The following GMDS variants were observed in gnomAD, a reference collection of about 807,000 sequenced individuals.
GMDS encodes the protein GDP-mannose 4,6-dehydratase.
GMDS carries 20 observed loss-of-function variants against 49.9 expected under a neutral mutation model. The observed-to-expected ratio is 0.40, with a 90% confidence interval of 0.28 to 0.58. GMDS has a LOEUF of 0.58. Ranked by LOEUF, GMDS falls within the 20% of genes least tolerant of loss-of-function variation. The pLI is 0.42. For synonymous variants in GMDS, 177 were observed against 178.6 expected (o/e 0.99, Z 0.07); for missense variants, 362 against 481.4 (o/e 0.75, Z 2.32).
Position 1,952,512 on chromosome 6 carries a change from TA to T in GMDS, c.643+7354del, listed in dbSNP as rs367622776. On this transcript the variant is annotated intron_variant, in intron 6 of 10. Coordinates refer to ENST00000380815, the MANE Select transcript of GMDS (RefSeq NM_001500.4). ...TCTGATTCCTCAGCTGGGAGATGAT[TA>T]AAAAAAGTTCTTCGTGACTCAGAAT... is the stretch of plus-strand genomic sequence containing the variant. Among the ~76,000 whole-genome samples, 40 of 152,014 alleles carry T rather than the reference TA, an allele frequency of 2.6e-4. 1 individual carries two copies. The East Asian group carries it at 4.5e-3, about 17-fold the overall frequency.
chr6:2,147,370 G>A (rs1015359401), intron 1 of GMDS, among the ~76,000 whole-genome samples: 12 of 152,090 alleles, frequency 7.9e-5, no homozygotes, highest in Admixed American at 7.2e-4. Context: ...TCACATACAC[G>A]TTTAGCGTCC....
intron 7 of GMDS, among the ~76,000 whole-genome samples, chr6:1,764,610 C>A (rs1048448240): frequency 1.3e-5 from 2 of 152,078 alleles, no homozygotes; most frequent in Non-Finnish European, 2.9e-5. Flanking sequence ...TGGAGAAAAT[C>A]CTGGGTTAAT....
chr6:1,740,453 A>T (rs1767225255), intron 8 of GMDS, among the ~76,000 whole-genome samples: 1 of 151,592 alleles, frequency 6.6e-6, no homozygotes, highest in Non-Finnish European at 1.5e-5. Context: ...GCTACTTGGG[A>T]GGCTGAGGCA....
intron 4 of GMDS, among the ~76,000 whole-genome samples, chr6:1,966,371 T>TG (rs999253424): frequency 2.5e-5 from 2 of 78,878 alleles, no homozygotes; most frequent in East Asian, 3.5e-4. Context: ...ATCAGACTGA[T>TG]GAAAAAAAAA....
Position 2,191,034 on chromosome 6 carries a change from C to T in GMDS, c.102+54287G>A, listed in dbSNP as rs572624951. ...CAGGAGGAGGCAGCACTGGGGGACC[C>T]AGGGCGGGAGGGGGAAATGGGAGCA... On this transcript the variant is annotated intron_variant, in intron 1 of 10. Transcript: ENST00000380815. The surrounding 1 kb of genome is among the most constrained non-coding windows in gnomAD (Gnocchi z 4.6). Among the ~76,000 whole-genome samples the T allele has an allele frequency of 1.3e-5, 2 of 152,202 alleles. No homozygotes were observed. Among genetic ancestry groups the T allele is most frequent in the African/African-American group, 4.8e-5 (2 of 41,540 alleles).
At chr6:2,084,263 T>C (rs1772879911) in intron 4 of GMDS, among the ~76,000 whole-genome samples, 1 of 152,160 alleles carries the variant, frequency 6.6e-6, no homozygotes, top group South Asian at 2.1e-4. Flanking sequence ...TTTGAGAGGT[T>C]TGAGGGAGAA....
intron 6 of GMDS, among the ~76,000 whole-genome samples, chr6:1,940,749 T>A (rs1762782456): frequency 6.6e-6 from 1 of 152,264 alleles, no homozygotes; most frequent in Non-Finnish European, 1.5e-5. Flanking sequence ...ATGTTCAAAC[T>A]ACTTTGCTAT....
intron 8 of GMDS, among the ~76,000 whole-genome samples, chr6:1,729,104 T>C (rs74999729): frequency 0.037 from 5,582 of 152,288 alleles, 331 homozygotes; most frequent in African/African-American, 0.13. Context: ...TTCCTGTTTA[T>C]AGCAGTGGCC....
At chr6:1,888,863 C>T (rs1759741167) in intron 7 of GMDS, among the ~76,000 whole-genome samples, 1 of 152,102 alleles carries the variant, frequency 6.6e-6, no homozygotes, top group African/African-American at 2.4e-5. Context: ...GACACAGGTC[C>T]CATTCAAGTC....
intron 1 of GMDS, among the ~76,000 whole-genome samples, chr6:2,239,763 G>A (rs1253899893): frequency 6.6e-6 from 1 of 151,118 alleles, no homozygotes; most frequent in African/African-American, 2.4e-5. Context: ...TCGGCTCACT[G>A]CAAGCTCTGC....
At chr6:1,879,150 T>C (rs1357655832) in intron 7 of GMDS, among the ~76,000 whole-genome samples, 1 of 152,232 alleles carries the variant, frequency 6.6e-6, no homozygotes, top group African/African-American at 2.4e-5. Flanking sequence ...CCAAATTTCA[T>C]TACAGACATG....
chr6:1,980,248 C>T (rs1765144508), intron 4 of GMDS, among the ~76,000 whole-genome samples: 1 of 151,974 alleles, frequency 6.6e-6, no homozygotes, highest in Admixed American at 6.5e-5. Context: ...CACAGAATGG[C>T]AAGCTGGATA....
intron 4 of GMDS, among the ~76,000 whole-genome samples, chr6:2,089,599 G>A (rs1278165895): frequency 7.9e-5 from 12 of 152,250 alleles, no homozygotes; most frequent in African/African-American, 2.6e-4. Context: ...CTTTTTCCTT[G>A]AGTGCCTGGT....
chr6:1,790,933 C>A (rs144398007), intron 7 of GMDS, among the ~76,000 whole-genome samples: 5 of 152,246 alleles, frequency 3.3e-5, no homozygotes, highest in African/African-American at 1.2e-4. Flanking sequence ...TAAGAGAATG[C>A]TGAGTTGGGG....
At chr6:1,633,425 G>A (rs1186824757) in intron 9 of GMDS, among the ~76,000 whole-genome samples, 1 of 152,152 alleles carries the variant, frequency 6.6e-6, no homozygotes, top group African/African-American at 2.4e-5. Context: ...ACAAGAGAAG[G>A]CCGTGGCTGT....
intron 7 of GMDS, among the ~76,000 whole-genome samples, chr6:1,897,546 T>C (rs1760265313): frequency 6.6e-6 from 1 of 152,112 alleles, no homozygotes; most frequent in Admixed American, 6.5e-5. Flanking sequence ...CCTGGACAAA[T>C]TGTATATCTT....
At chr6:1,643,195 G>A (rs550382343) in intron 9 of GMDS, among the ~76,000 whole-genome samples, 2 of 152,328 alleles carry the variant, frequency 1.3e-5, no homozygotes, top group South Asian at 4.1e-4. Flanking sequence ...ATCTCCAAGG[G>A]TGCCCTCATA....
At chr6:1,975,524 A>G (rs1199202400) in intron 4 of GMDS, among the ~76,000 whole-genome samples, 1 of 152,230 alleles carries the variant, frequency 6.6e-6, no homozygotes, top group Non-Finnish European at 1.5e-5. Flanking sequence ...CAAAATATAC[A>G]AAGTAGATCC....
chr6:2,018,545 C>T (rs749147735), intron 4 of GMDS, among the ~76,000 whole-genome samples: 1 of 152,154 alleles, frequency 6.6e-6, no homozygotes, highest in African/African-American at 2.4e-5. Context: ...CCTTCTATGC[C>T]TATAGATTTA....
Sources: allele counts gnomAD v4.1 joint callset (sites outside exome capture counted in the v4.1 genomes callset), GRCh38; gene constraint gnomAD v4.1.1; non-coding constraint Gnocchi (gnomAD v3.1); transcripts MANE v1.5; gene names NCBI Gene and HGNC (gene_info 2026-07-23, HGNC 2026-07-21).